The following NKAPL variants were observed in gnomAD, a reference collection of about 807,000 sequenced individuals.
NKAPL encodes the protein NFKB activating protein like.
Under a neutral mutation model 14.7 loss-of-function variants are expected in NKAPL, and 7 were observed. The observed-to-expected ratio is 0.48, with a 90% CI of 0.27 to 0.89. The LOEUF is 0.89. Among genes scored for constraint, NKAPL ranks in the 40% least tolerant of loss-of-function variants. NKAPL has a pLI of 0.12. For missense variants in NKAPL, 466 were observed against 494.1 expected (o/e 0.94, Z 0.54); for synonymous variants, 192 against 179.9 (o/e 1.07, Z -0.54).
In NKAPL at chr6:28,260,063, AAAAG is replaced by A. The variant is rs777055390; in HGVS notation, c.696_699del (p.Lys232AsnfsTer45). ...GTTAAAGCCAAGAAGAAAAAGAAGA[AAAAG>A]AAACACAAAACAAAGAAAAAGAAGA... is the stretch of plus-strand genomic sequence containing the variant. On this transcript the variant is annotated frameshift_variant, in exon 1 of 1. Transcript: ENST00000343684. LOFTEE classifies it high-confidence loss of function. 223 of 1,580,124 alleles carry A rather than the reference AAAAG, an allele frequency of 1.4e-4. No homozygotes were observed. Among genetic ancestry groups the A allele is most frequent in the Non-Finnish European group, 1.8e-4 (209 of 1,171,398 alleles).
In NKAPL at chr6:28,259,338, T is replaced by C. The variant is rs368484575; in HGVS notation, c.-34T>C. 1.3e-6 allele frequency: 2 copies of C among 1,520,884 alleles called. No homozygotes were observed. Among genetic ancestry groups the C allele is most frequent in the Non-Finnish European group, 1.8e-6 (2 of 1,130,310 alleles). The allele number at this position is 1,520,884 out of a possible 1,614,324, so 94.2% of individuals were successfully genotyped here. A position where few individuals can be genotyped will look rare whatever the true frequency, so the allele number is the denominator to read the frequency against. On this transcript the variant is annotated 5_prime_UTR_variant, in exon 1 of 1. Coordinates refer to ENST00000343684, the MANE Select transcript of NKAPL (RefSeq NM_001007531.3). ...CGCGAATCACCAGCCAGCCTCTGGG[T>C]CTGTAGCAACCGCCCAGCGTTGAGG...
chr6:28,259,334 T>C lies in NKAPL; in HGVS notation c.-38T>C. Reference sequence around the variant, plus strand: ...TGGCCGCGAATCACCAGCCAGCCTCTGGGTCTGTAGCAACCGCCCAGCGTT... The same window carrying C: ...TGGCCGCGAATCACCAGCCAGCCTCCGGGTCTGTAGCAACCGCCCAGCGTT... On this transcript the variant is annotated 5_prime_UTR_variant, in exon 1 of 1. Transcript: ENST00000343684. The C allele has an allele frequency of 6.6e-7, 1 of 1,504,832 alleles. No homozygotes were observed. The highest frequency in any genetic ancestry group is 8.9e-7 in the Non-Finnish European group (1 of 1,123,332). The allele number at this position is 1,504,832 out of a possible 1,614,324, so 93.2% of individuals were successfully genotyped here. A position where few individuals can be genotyped will look rare whatever the true frequency, so the allele number is the denominator to read the frequency against.
Position 28,259,638 on chromosome 6 carries a change from C to T in NKAPL, c.267C>T (p.Thr89=), listed in dbSNP as rs1350470030. The change falls in exon 1 of 1, where the codon ACC becomes ACT. Residue 89 remains threonine (T), a synonymous_variant. Coordinates refer to ENST00000343684, the MANE Select transcript of NKAPL (RefSeq NM_001007531.3). ...RNYAFASSWS[T]SYSGYRYHRH... Reference sequence around the variant, plus strand: ...ACGCCTTCGCGTCCTCCTGGTCGACCTCGTATAGTGGATATCGCTACCATC... The same window carrying T: ...ACGCCTTCGCGTCCTCCTGGTCGACTTCGTATAGTGGATATCGCTACCATC... 1 of 1,614,240 alleles carries T rather than the reference C, an allele frequency of 6.2e-7. No individual in the cohort carries two copies. The highest frequency in any genetic ancestry group is 2.2e-5 in the East Asian group (1 of 44,880).
rs1310070674 is a variant in NKAPL at position 28,260,625 on chromosome 6, A to C, written c.*45A>C. 11 of 1,571,664 alleles carry C rather than the reference A, an allele frequency of 7.0e-6. No individual in the cohort carries two copies. The highest frequency in any genetic ancestry group is 9.5e-6 in the Non-Finnish European group (11 of 1,161,368). ...CAGGAATTTTAACAACAAAAATTTT[A>C]TGTGACCAAAAGTGTTAAAAGGCTT... On this transcript the variant is annotated 3_prime_UTR_variant, in exon 1 of 1. Transcript: ENST00000343684.
Position 28,260,247 on chromosome 6 carries a change from A to G in NKAPL, c.876A>G (p.Lys292=). Residue 292 remains lysine (K), a synonymous_variant, in exon 1 of 1, where the codon AAA becomes AAG. Coordinates refer to ENST00000343684, the MANE Select transcript of NKAPL (RefSeq NM_001007531.3). ...APIIHTSQDE[K]PLKYGHALLP... is the part of the protein sequence containing the mutation. Reference sequence around the variant, plus strand: ...TAATACATACCTCTCAAGATGAAAAACCTTTGAAGTATGGCCATGCTTTGC... The same window carrying G: ...TAATACATACCTCTCAAGATGAAAAGCCTTTGAAGTATGGCCATGCTTTGC... 1 of 1,614,012 alleles carries G rather than the reference A, an allele frequency of 6.2e-7. No homozygotes were observed. The highest frequency in any genetic ancestry group is 8.5e-7 in the Non-Finnish European group (1 of 1,179,988).
In NKAPL at chr6:28,259,331, C is replaced by T. The variant is rs767820353; in HGVS notation, c.-41C>T. The T allele has an allele frequency of 6.7e-7, 1 of 1,500,630 alleles. No individual in the cohort carries two copies. Among genetic ancestry groups the T allele is most frequent in the Non-Finnish European group, 8.9e-7 (1 of 1,119,974 alleles). The allele number at this position is 1,500,630 out of a possible 1,614,324, so 93.0% of individuals were successfully genotyped here. On this transcript the variant is annotated 5_prime_UTR_variant, in exon 1 of 1. Transcript: ENST00000343684. ...GCGTGGCCGCGAATCACCAGCCAGCCTCTGGGTCTGTAGCAACCGCCCAGC... is the reference window on the plus strand; with the variant it reads ...GCGTGGCCGCGAATCACCAGCCAGCTTCTGGGTCTGTAGCAACCGCCCAGC...
At position 28,259,624 on chromosome 6, in the gene NKAPL, T is replaced by A; in HGVS notation, c.253T>A (p.Ser85Thr). 1 of 1,614,228 alleles carries A rather than the reference T, an allele frequency of 6.2e-7. No homozygotes were observed. The highest frequency in any genetic ancestry group is 8.5e-7 in the Non-Finnish European group (1 of 1,180,034). The change falls in exon 1 of 1, where the codon TCC (serine) becomes ACC (threonine). Residue 85 changes from serine to threonine, a missense_variant. Transcript: ENST00000343684. ...LPRFRNYAFA[S>T]SWSTSYSGYR... is the part of the protein sequence containing the mutation. Reference sequence around the variant, plus strand: ...AAGATTCCGCAACTACGCCTTCGCGTCCTCCTGGTCGACCTCGTATAGTGG... The same window carrying A: ...AAGATTCCGCAACTACGCCTTCGCGACCTCCTGGTCGACCTCGTATAGTGG...
chr6:28,260,401 A>G lies in NKAPL; in HGVS notation c.1030A>G (p.Ser344Gly), dbSNP rs200808721. 1 of 1,614,230 alleles carries G rather than the reference A, an allele frequency of 6.2e-7. No homozygotes were observed. The highest frequency in any genetic ancestry group is 8.5e-7 in the Non-Finnish European group (1 of 1,180,036). ...FECSGYVMSG[S>G]RHRRMEAVRL... ...ATGCTCAGGTTATGTCATGAGTGGT[A>G]GCAGGCATCGCAGAATGGAGGCTGT... is the stretch of plus-strand genomic sequence containing the variant. The change falls in exon 1 of 1, where the codon AGC (serine) becomes GGC (glycine). Residue 344 changes from serine to glycine, a missense_variant. Physicochemically the swap from Ser to Gly is moderately conservative, Grantham distance 56. Transcript: ENST00000343684.
chr6:28,260,100 A>G lies in NKAPL; in HGVS notation c.729A>G (p.Lys243=). Residue 243 remains lysine, a synonymous_variant, in exon 1 of 1, where the codon AAA becomes AAG. Coordinates refer to ENST00000343684, the MANE Select transcript of NKAPL (RefSeq NM_001007531.3). ...AAACAAAGAAAAAGAAGAATAAGAAAACCAAAAAAGAATCCAGTGACTCAA... is the reference window on the plus strand; with the variant it reads ...AAACAAAGAAAAAGAAGAATAAGAAGACCAAAAAAGAATCCAGTGACTCAA... ...KHKTKKKKNK[K]TKKESSDSSC... The G allele has an allele frequency of 1.3e-6, 2 of 1,582,478 alleles. No individual in the cohort carries two copies. The highest frequency in any genetic ancestry group is 1.7e-6 in the Non-Finnish European group (2 of 1,171,374).
rs1223923314 is a variant in NKAPL, at chr6:28,259,962, G to A, written c.591G>A (p.Lys197=). The A allele has an allele frequency of 1.2e-6, 2 of 1,609,034 alleles. No homozygotes were observed. The highest frequency in any genetic ancestry group is 4.5e-5 in the East Asian group (2 of 44,878). The change falls in exon 1 of 1, where the codon AAG becomes AAA. Residue 197 remains lysine, a synonymous_variant. Transcript: ENST00000343684. Reference sequence around the variant, plus strand: ...GAAAGAATAAGTCGTCTAAAAGAAAGCATAGGAAATATTCTGATAGTGACA... The same window carrying A: ...GAAAGAATAAGTCGTCTAAAAGAAAACATAGGAAATATTCTGATAGTGACA... ...KKRKNKSSKR[K]HRKYSDSDSN... is the part of the protein sequence containing the mutation.
Position 28,260,051 on chromosome 6 carries a change from A to C in NKAPL, c.680A>C (p.Lys227Thr), listed in dbSNP as rs1482772541. ...GATAAAAAGAGAGTTAAAGCCAAGA[A>C]GAAAAAGAAGAAAAAGAAACACAAA... ...DDDKKRVKAK[K>T]KKKKKKHKTK... The change falls in exon 1 of 1, where the codon AAG becomes ACG. Residue 227 changes from lysine to threonine, a missense_variant. Lys to Thr is a moderately conservative substitution (Grantham distance 78). Transcript: ENST00000343684. The C allele has an allele frequency of 1.3e-6, 2 of 1,577,170 alleles. No homozygotes were observed. The highest frequency in any genetic ancestry group is 4.5e-5 in the East Asian group (2 of 44,780).
Position 28,259,907 on chromosome 6 carries a change from A to C in NKAPL, c.536A>C (p.Lys179Thr). 1 of 1,612,456 alleles carries C rather than the reference A, an allele frequency of 6.2e-7. No individual in the cohort carries two copies. The highest frequency in any genetic ancestry group is 1.1e-5 in the South Asian group (1 of 90,668). ...AACTCGGAAGAACATAGGAAAAAGA[A>C]GACCAGTCGTTCAAGAAACAAGAAA... ...DSNSEEHRKK[K>T]TSRSRNKKKR... The change falls in exon 1 of 1, where the codon AAG (lysine) becomes ACG (threonine). Residue 179 changes from lysine to threonine, a missense_variant. Lys to Thr is a moderately conservative substitution (Grantham distance 78). Coordinates refer to ENST00000343684, the MANE Select transcript of NKAPL (RefSeq NM_001007531.3).
chr6:28,260,955 G>A lies in NKAPL; in HGVS notation c.*375G>A, dbSNP rs1241012196. ...AAGCTATTAAAGTTTTTTTTCGCTC[G>A]TTACTCTTTTGCCATTCATTTGCCC... is the stretch of plus-strand genomic sequence containing the variant. On this transcript the variant is annotated 3_prime_UTR_variant, in exon 1 of 1. Coordinates refer to ENST00000343684, the MANE Select transcript of NKAPL (RefSeq NM_001007531.3). 5 of 170,922 alleles carry A rather than the reference G, an allele frequency of 2.9e-5. No homozygotes were observed. Among genetic ancestry groups the A allele is most frequent in the South Asian group, 2.0e-4 (1 of 5,020 alleles). 10.6% of individuals were successfully genotyped at this position (170,922 alleles called of 1,614,324 possible). A position where few individuals can be genotyped will look rare whatever the true frequency, so the allele number is the denominator to read the frequency against.
Position 28,260,571 on chromosome 6 carries a change from T to TGAC in NKAPL, c.1201_1203dup (p.Asp401dup), listed in dbSNP as rs779508410. The TGAC allele has an allele frequency of 1.3e-5, 21 of 1,610,218 alleles. No individual in the cohort carries two copies. In the East Asian group the frequency reaches 4.7e-4, roughly 36 times the overall value. On this transcript the variant is annotated inframe_insertion, in exon 1 of 1. Coordinates refer to ENST00000343684, the MANE Select transcript of NKAPL (RefSeq NM_001007531.3). The stretch of plus-strand genomic sequence containing the variant: ...TGCACAAAAAGACAAAAGAGAAAGA[T>TGAC]GACAAGTAAGGACTTACTTGTTGCA...
In NKAPL at chr6:28,260,674, A is replaced by G; in HGVS notation, c.*94A>G. The G allele has an allele frequency of 7.6e-6, 11 of 1,440,580 alleles. No homozygotes were observed. The highest frequency in any genetic ancestry group is 1.0e-5 in the Non-Finnish European group (11 of 1,081,840). 89.2% of individuals were successfully genotyped at this position (1,440,580 alleles called of 1,614,324 possible). A position where few individuals can be genotyped will look rare whatever the true frequency, so the allele number is the denominator to read the frequency against. Reference sequence around the variant, plus strand: ...TTTACAGTGCTACTGTACTTACCATATTAGTAAGTCCCTCAGGAAAAAGCT... The same window carrying G: ...TTTACAGTGCTACTGTACTTACCATGTTAGTAAGTCCCTCAGGAAAAAGCT... On this transcript the variant is annotated 3_prime_UTR_variant, in exon 1 of 1. Transcript: ENST00000343684.
rs1403834435 is a variant in NKAPL, at chr6:28,260,192, C to A, written c.821C>A (p.Thr274Asn). The change falls in exon 1 of 1, where the codon ACT becomes AAT. Residue 274 changes from threonine (T) to asparagine (N), a missense_variant. By Grantham distance (65) the Thr-to-Asn change is moderately conservative. Transcript: ENST00000343684. ...ATGGAGCAGCCAAATGTGGCAGATA[C>A]TATGGATTTAATAGGGCCAGAAGCA... is the stretch of plus-strand genomic sequence containing the variant. ...TWMEQPNVAD[T>N]MDLIGPEAPI... is the part of the protein sequence containing the mutation. The A allele has an allele frequency of 1.9e-6, 3 of 1,614,012 alleles. No individual in the cohort carries two copies. The highest frequency in any genetic ancestry group is 1.7e-6 in the Non-Finnish European group (2 of 1,179,986).
At position 28,259,359 on chromosome 6, in the gene NKAPL, T is replaced by G; in HGVS notation, c.-13T>G. On this transcript the variant is annotated 5_prime_UTR_variant, in exon 1 of 1. Coordinates refer to ENST00000343684, the MANE Select transcript of NKAPL (RefSeq NM_001007531.3). ...TGGGTCTGTAGCAACCGCCCAGCGTTGAGGCGCGGCTCATGCCCCCAGTAT... is the reference window on the plus strand; with the variant it reads ...TGGGTCTGTAGCAACCGCCCAGCGTGGAGGCGCGGCTCATGCCCCCAGTAT... 6.4e-7 allele frequency: 1 copy of G among 1,551,518 alleles called. No homozygotes were observed. Among genetic ancestry groups the G allele is most frequent in the Non-Finnish European group, 8.7e-7 (1 of 1,144,420 alleles).
Position 28,259,351 on chromosome 6 carries a change from C to T in NKAPL, c.-21C>T, listed in dbSNP as rs1210147944. 2 of 1,540,624 alleles carry T rather than the reference C, an allele frequency of 1.3e-6. No individual in the cohort carries two copies. Among genetic ancestry groups the T allele is most frequent in the Non-Finnish European group, 1.8e-6 (2 of 1,139,568 alleles). ...CCAGCCTCTGGGTCTGTAGCAACCGCCCAGCGTTGAGGCGCGGCTCATGCC... is the reference window on the plus strand; with the variant it reads ...CCAGCCTCTGGGTCTGTAGCAACCGTCCAGCGTTGAGGCGCGGCTCATGCC... On this transcript the variant is annotated 5_prime_UTR_variant, in exon 1 of 1. Transcript: ENST00000343684.
In NKAPL at chr6:28,260,283, A is replaced by G. The variant is rs1458555260; in HGVS notation, c.912A>G (p.Glu304=). ...ATGGCCATGCTTTGCTTCCCGGTGA[A>G]GGTGCAGCTATGGCTGAGTATGTAA... ...LKYGHALLPG[E]GAAMAEYVKA... is the part of the protein sequence containing the mutation. The change falls in exon 1 of 1, where the codon GAA becomes GAG. Residue 304 remains glutamate (E), a synonymous_variant. Coordinates refer to ENST00000343684, the MANE Select transcript of NKAPL (RefSeq NM_001007531.3). 1.9e-6 allele frequency: 3 copies of G among 1,614,070 alleles called. No individual in the cohort carries two copies. The highest frequency in any genetic ancestry group is 2.5e-6 in the Non-Finnish European group (3 of 1,180,034).
Sources: gnomAD v4.1 joint callset for allele counts on GRCh38, gnomAD v4.1.1 for gene constraint, MANE v1.5 for transcripts, NCBI Gene and HGNC (gene_info 2026-07-23, HGNC 2026-07-21) for gene names.